Variants in SCN9A observed in about 807,000 individuals in gnomAD.
SCN9A encodes the protein sodium voltage-gated channel alpha subunit 9, also known as sodium channel protein type 9 subunit alpha.
In SCN9A, 131 loss-of-function variants were observed where a neutral mutation model predicts 187.0. The ratio of observed to expected loss-of-function variants is 0.70; its 90% CI spans 0.61 to 0.81. The LOEUF (loss-of-function observed/expected upper bound fraction) is 0.81, where lower values mean the gene tolerates loss of function less well. SCN9A is among the 30% of genes least tolerant of loss of function. The pLI is 0.00. For missense variants in SCN9A, 2,252 were observed against 2,396.6 expected (o/e 0.94, Z 1.26); for synonymous variants, 809 against 808.6 (o/e 1.00, Z -0.01).
chr2:166,277,153 C>T lies in SCN9A; in HGVS notation c.2704G>A (p.Asp902Asn), dbSNP rs1410410504. The T allele has an allele frequency of 2.5e-6, 4 of 1,613,914 alleles. No homozygotes were observed. In the African/African-American group the frequency reaches 5.3e-5, roughly 22 times the overall value. Residue 902 changes from aspartate to asparagine, a missense_variant, in exon 16 of 27, where the codon GAC becomes AAC. Transcript: ENST00000642356. Reference protein sequence around the residue: ...YKECVCKINDDCTLPRWHMND... With the variant: ...YKECVCKINDNCTLPRWHMND... ...ATGTGCCACCGTGGGAGCGTACAGT[C>T]ATCATTGATCTTGCAGACACATTCT... is the stretch of plus-strand genomic sequence containing the variant.
intron 1 of SCN9A, among the ~76,000 whole-genome samples, chr2:166,359,134 T>A (rs561137186): frequency 4.6e-5 from 7 of 152,192 alleles, no homozygotes; most frequent in Non-Finnish European, 7.4e-5. Flanking sequence ...CTATTTTAAT[T>A]ACCCTATTTG....
intron 1 of SCN9A, among the ~76,000 whole-genome samples, chr2:166,335,038 T>C (rs1699594173): frequency 6.6e-6 from 1 of 152,182 alleles, no homozygotes; most frequent in South Asian, 2.1e-4. Context: ...GCTAAACAAT[T>C]GTATGCTGCA....
chr2:166,363,631 G>GAC (rs145182185), intron 1 of SCN9A, among the ~76,000 whole-genome samples: 30,822 of 151,914 alleles, frequency 0.2, 4,018 homozygotes, highest in Non-Finnish European at 0.29. Context: ...GATCTCTGGG[G>GAC]ACAATGGGTA....
chr2:166,321,942 A>C (rs1457679797), intron 1 of SCN9A, among the ~76,000 whole-genome samples: 1 of 152,100 alleles, frequency 6.6e-6, no homozygotes. Context: ...TCTGTTGTCA[A>C]GCAATAAGCA....
At chr2:166,214,021 T>A (rs900359056) in intron 24 of SCN9A, among the ~76,000 whole-genome samples, 2 of 152,000 alleles carry the variant, frequency 1.3e-5, no homozygotes, top group African/African-American at 4.8e-5. Context: ...AGAACCCAAC[T>A]TTTTTTTAAT....
At position 166,203,972 on chromosome 2, in the gene SCN9A, A is replaced by G; in HGVS notation, c.4757T>C (p.Val1586Ala). The change falls in exon 26 of 27, where the codon GTG becomes GCG. Residue 1586 changes from valine to alanine, a missense_variant. By Grantham distance (64) the Val-to-Ala change is moderately conservative. Coordinates refer to ENST00000642356, the MANE Select transcript of SCN9A (RefSeq NM_001365536.1). ...ATTCTTACCTACAATGGAGATAATC[A>G]CAACCACAAAATCAAAAATATTCCA... The part of the protein sequence containing the change: ...VGWNIFDFVV[V>A]IISIVGMFLA... 6.3e-7 allele frequency: 1 copy of G among 1,588,018 alleles called. No individual in the cohort carries two copies. The highest frequency in any genetic ancestry group is 8.6e-7 in the Non-Finnish European group (1 of 1,160,044).
At chr2:166,237,097 C>G (rs76580384) in intron 20 of SCN9A, among the ~76,000 whole-genome samples, 1 of 151,720 alleles carries the variant, frequency 6.6e-6, no homozygotes, top group African/African-American at 2.4e-5. Flanking sequence ...ACATATCATT[C>G]TGAGAAAAAT....
intron 18 of SCN9A, 101 bp from the exon 19 acceptor site, chr2:166,242,757 C>A: frequency 1.3e-6 from 1 of 780,462 alleles, no homozygotes. Context: ...CTCCCTCAAC[C>A]AAATAATTTC....
chr2:166,289,937 T>G (rs894073335), intron 9 of SCN9A, among the ~76,000 whole-genome samples: 2 of 152,176 alleles, frequency 1.3e-5, no homozygotes, highest in Admixed American at 6.5e-5. Context: ...ATGGGATACA[T>G]GTGAAGAACA....
intron 21 of SCN9A, among the ~76,000 whole-genome samples, chr2:166,232,804 A>G (rs144544280): frequency 0.021 from 3,064 of 148,328 alleles, 114 homozygotes; most frequent in African/African-American, 0.072. Context: ...TAAATGAAAT[A>G]ATATATATAC....
chr2:166,278,824 T>C (rs1195528057), intron 14 of SCN9A, among the ~76,000 whole-genome samples: 2 of 152,156 alleles, frequency 1.3e-5, no homozygotes, highest in Non-Finnish European at 2.9e-5. Context: ...GCTAAAGTAA[T>C]ACTTCTAAAG....
intron 18 of SCN9A, among the ~76,000 whole-genome samples, chr2:166,251,066 A>G (rs1235605220): frequency 6.6e-6 from 1 of 152,086 alleles, no homozygotes; most frequent in African/African-American, 2.4e-5. Context: ...GTGATGACCA[A>G]TGGGGAATTG....
intron 19 of SCN9A, among the ~76,000 whole-genome samples, chr2:166,241,324 T>A (rs1426588015): frequency 3.9e-5 from 6 of 152,120 alleles, no homozygotes; most frequent in Non-Finnish European, 8.8e-5. Flanking sequence ...AAGGTTCAGG[T>A]AGCTTGTAAT....
rs1188486078 is a variant in SCN9A, at chr2:166,196,266, C to A, written c.*2406G>T. On this transcript the variant is annotated 3_prime_UTR_variant, in exon 27 of 27. Coordinates refer to ENST00000642356, the MANE Select transcript of SCN9A (RefSeq NM_001365536.1). ...ACTTCAAGCTTATACTTAATAAGCT[C>A]TTTCTTCCAAATATTATTTTTAATT... The A allele has an allele frequency of 1.3e-5, 2 of 152,012 alleles. No homozygotes were observed. The highest frequency in any genetic ancestry group is 2.9e-5 in the Non-Finnish European group (2 of 68,000). The allele number at this position is 152,012 out of a possible 1,614,324, so 9.4% of individuals were successfully genotyped here.
intron 1 of SCN9A, among the ~76,000 whole-genome samples, chr2:166,327,838 A>G (rs1559043924): frequency 2.0e-5 from 3 of 152,348 alleles, no homozygotes; most frequent in South Asian, 2.1e-4. Flanking sequence ...ATGAGCCAGG[A>G]TAACTCTCCC....
rs1309621904 is a variant in SCN9A, at chr2:166,306,600, G to A, written c.378-1C>T. ...GCACATGATGAGCATGCTGAATAAG[G>A]TAGCTTAGAATCAAGGAACAAAAGA... On this transcript the variant is annotated splice_acceptor_variant, in intron 3 of 26. Coordinates refer to ENST00000642356, the MANE Select transcript of SCN9A (RefSeq NM_001365536.1). LOFTEE classifies it high-confidence loss of function. 1.9e-6 allele frequency: 3 copies of A among 1,562,342 alleles called. No homozygotes were observed. Among genetic ancestry groups the A allele is most frequent in the Admixed American group, 1.9e-5 (1 of 53,506 alleles).
chr2:166,332,146 G>A (rs1490908807), intron 1 of SCN9A, among the ~76,000 whole-genome samples: 6 of 152,110 alleles, frequency 3.9e-5, no homozygotes. Flanking sequence ...GCCAAATAAA[G>A]GAAGATTTTA....
At chr2:166,281,446 A>G (rs578233976) in intron 13 of SCN9A, among the ~76,000 whole-genome samples, 2 of 152,226 alleles carry the variant, frequency 1.3e-5, no homozygotes, top group South Asian at 4.2e-4. Context: ...TTCATTTTGC[A>G]AAGTCATTTT....
intron 1 of SCN9A, among the ~76,000 whole-genome samples, chr2:166,370,226 A>AGCGCGGTGGCTCATC (rs1553507717): frequency 2.3e-5 from 3 of 131,606 alleles, no homozygotes; most frequent in Non-Finnish European, 4.8e-5. Flanking sequence ...TAATAATAAT[A>AGCGCGGTGGCTCATC]ATAATAATAA....
Sources: gnomAD v4.1 joint callset for allele counts (sites outside exome capture counted in the v4.1 genomes callset) on GRCh38, gnomAD v4.1.1 for gene constraint, MANE v1.5 for transcripts, NCBI Gene and HGNC (gene_info 2026-07-23, HGNC 2026-07-21) for gene names.